CFAP54: variants seen among roughly 807,000 people sequenced by gnomAD.
CFAP54 encodes the protein cilia and flagella associated protein 54, also known as cilia- and flagella-associated protein 54.
CFAP54 carries 290 observed loss-of-function variants against 370.4 expected under a neutral mutation model. The ratio of observed to expected loss-of-function variants is 0.78; its 90% CI spans 0.71 to 0.86. CFAP54 has a LOEUF of 0.86. Among genes scored for constraint, CFAP54 ranks in the 40% least tolerant of loss-of-function variants. The pLI is 0.00. For synonymous variants in CFAP54, 1,206 were observed against 1,236.5 expected (o/e 0.98, Z 0.52); for missense variants, 3,399 against 3,528.7 (o/e 0.96, Z 0.93).
At chr12:96,853,102 A>G (rs991710903) in intron 66 of CFAP54, among the ~76,000 whole-genome samples, 1 of 152,174 alleles carries the variant, frequency 6.6e-6, no homozygotes, top group African/African-American at 2.4e-5. Flanking sequence ...CCTGGTGTAT[A>G]TGCCTAATAG....
intron 39 of CFAP54, among the ~76,000 whole-genome samples, chr12:96,669,369 T>C (rs1323066925): frequency 1.3e-5 from 2 of 152,202 alleles, no homozygotes; most frequent in African/African-American, 4.8e-5. Flanking sequence ...AGTGTTATAT[T>C]TGCGTGTTTT....
intron 1 of CFAP54, among the ~76,000 whole-genome samples, chr12:96,497,575 C>T (rs1954969683): frequency 6.6e-6 from 1 of 152,200 alleles, no homozygotes; most frequent in Admixed American, 6.5e-5. Flanking sequence ...AAGGCACATT[C>T]CTTGCCAGGC....
chr12:96,840,262 TC>T, intron 66 of CFAP54, among the ~76,000 whole-genome samples: 1 of 152,248 alleles, frequency 6.6e-6, no homozygotes, highest in East Asian at 1.9e-4. Context: ...AGGTGGATTC[TC>T]AAAGCAACCT....
intron 66 of CFAP54, among the ~76,000 whole-genome samples, chr12:96,834,210 T>TAG (rs1959179128): frequency 6.6e-6 from 1 of 152,146 alleles, no homozygotes; most frequent in African/African-American, 2.4e-5. Flanking sequence ...AGAAAACAGC[T>TAG]AGAGAGAGAC....
chr12:96,490,304 G>T (rs1281641345), intron 1 of CFAP54, among the ~76,000 whole-genome samples: 2 of 152,156 alleles, frequency 1.3e-5, no homozygotes, highest in Non-Finnish European at 2.9e-5. Context: ...CAGTTGCGCA[G>T]AATGAATAGC....
intron 45 of CFAP54, among the ~76,000 whole-genome samples, chr12:96,697,274 G>T (rs974827947): frequency 6.6e-6 from 1 of 152,128 alleles, no homozygotes. Flanking sequence ...TCCATGTTCA[G>T]AAATCTTATA....
intron 50 of CFAP54, among the ~76,000 whole-genome samples, chr12:96,735,199 G>T (rs1002155963): frequency 6.6e-6 from 1 of 152,128 alleles, no homozygotes; most frequent in African/African-American, 2.4e-5. Flanking sequence ...AGCTTTAATA[G>T]AATTGAAAGC....
intron 1 of CFAP54, among the ~76,000 whole-genome samples, chr12:96,491,281 G>T (rs1409011904): frequency 6.6e-6 from 1 of 152,170 alleles, no homozygotes; most frequent in African/African-American, 2.4e-5. Context: ...AATGGCAGAT[G>T]GGAAAGACCT....
intron 26 of CFAP54, among the ~76,000 whole-genome samples, chr12:96,618,190 A>G (rs560615676): frequency 1.3e-5 from 2 of 152,186 alleles, no homozygotes; most frequent in Non-Finnish European, 1.5e-5. Flanking sequence ...GAAGAAAGAA[A>G]GAAACTCTAT....
At chr12:96,606,797 CA>C (rs1565911859) in intron 26 of CFAP54, among the ~76,000 whole-genome samples, 1 of 152,202 alleles carries the variant, frequency 6.6e-6, no homozygotes, top group Non-Finnish European at 1.5e-5. Context: ...GCAGAGAGGT[CA>C]GCTTGTTTGT....
Position 96,743,566 on chromosome 12 carries a change from A to G in CFAP54, c.7377+7A>G. The G allele has an allele frequency of 6.2e-7, 1 of 1,613,936 alleles. No homozygotes were observed. The highest frequency in any genetic ancestry group is 8.5e-7 in the Non-Finnish European group (1 of 1,179,914). ...CATCATGACAAACCTTCAGGTAGAA[A>G]GGAAACTTTGTTCGTATTTATAGTC... On this transcript the variant is annotated splice_region_variant and intron_variant, in intron 53 of 67. Transcript: ENST00000524981.
At position 96,607,782 on chromosome 12, in the gene CFAP54, A is replaced by G. The variant is rs529480134; in HGVS notation, c.3639+9015A>G. Among the ~76,000 whole-genome samples, 5 of 152,096 alleles carry G rather than the reference A, an allele frequency of 3.3e-5. No homozygotes were observed. In the South Asian group the frequency reaches 1.0e-3, roughly 32 times the overall value. ...TTTATTTGCAATGGAAAGAGAATCA[A>G]TTAGCTTCAGACTTTTTTTTTTTTT... On this transcript the variant is annotated intron_variant, in intron 26 of 67. Coordinates refer to ENST00000524981, the MANE Select transcript of CFAP54 (RefSeq NM_001306084.2).
At chr12:96,606,903 C>T (rs1472029638) in intron 26 of CFAP54, among the ~76,000 whole-genome samples, 1 of 152,182 alleles carries the variant, frequency 6.6e-6, no homozygotes, top group Non-Finnish European at 1.5e-5. Context: ...TCCATATCTG[C>T]CTGCCTGTTT....
intron 17 of CFAP54, among the ~76,000 whole-genome samples, chr12:96,559,564 T>A (rs985652401): frequency 1.3e-5 from 2 of 152,174 alleles, no homozygotes; most frequent in Non-Finnish European, 2.9e-5. Flanking sequence ...TTACTGTCTT[T>A]CTCTTTACAT....
intron 12 of CFAP54, among the ~76,000 whole-genome samples, chr12:96,537,468 A>G (rs894225703): frequency 6.6e-6 from 1 of 152,052 alleles, no homozygotes; most frequent in African/African-American, 2.4e-5. Context: ...TAGCCTCCCA[A>G]GTAGCTGGGA....
chr12:96,582,227 G>A (rs534507804), intron 22 of CFAP54, among the ~76,000 whole-genome samples: 2 of 152,160 alleles, frequency 1.3e-5, no homozygotes, highest in Admixed American at 6.5e-5. Flanking sequence ...ATTGTTTTTA[G>A]TTAGGGATAT....
At chr12:96,621,043 C>G (rs916030925) in intron 26 of CFAP54, among the ~76,000 whole-genome samples, 10 of 152,164 alleles carry the variant, frequency 6.6e-5, no homozygotes, top group Non-Finnish European at 1.3e-4. Flanking sequence ...AGGCCTCTTC[C>G]CCTTACGACT....
At chr12:96,736,789 C>T (rs1957984913) in intron 50 of CFAP54, among the ~76,000 whole-genome samples, 1 of 152,156 alleles carries the variant, frequency 6.6e-6, no homozygotes, top group African/African-American at 2.4e-5. Flanking sequence ...GTACAGTCAA[C>T]AGTGACTATA....
At chr12:96,518,235 T>TGTAA (rs1955262104) in intron 5 of CFAP54, among the ~76,000 whole-genome samples, 1 of 152,238 alleles carries the variant, frequency 6.6e-6, no homozygotes, top group Non-Finnish European at 1.5e-5. Flanking sequence ...GGCCCCAGGC[T>TGTAA]GTAAGCCTTT....
Sources: gnomAD v4.1 joint callset for allele counts (sites outside exome capture counted in the v4.1 genomes callset) on GRCh38, gnomAD v4.1.1 for gene constraint, MANE v1.5 for transcripts, NCBI Gene and HGNC (gene_info 2026-07-23, HGNC 2026-07-21) for gene names.